Variants in THOC1 observed in about 807,000 individuals in gnomAD.
THOC1 encodes the protein THO complex subunit 1.
In THOC1, 29 loss-of-function variants were observed where a neutral mutation model predicts 97.3. The observed-to-expected ratio is 0.30, with a 90% CI of 0.22 to 0.41. The LOEUF (loss-of-function observed/expected upper bound fraction) is 0.41, where lower values mean the gene tolerates loss of function less well. Ranked by LOEUF, THOC1 falls within the 10% of genes least tolerant of loss-of-function variation. The pLI, the probability that THOC1 is intolerant of heterozygous loss-of-function variation, is 1.00. For synonymous variants in THOC1, 255 were observed against 257.0 expected, an observed-to-expected ratio of 0.99 and a Z score of 0.07; for missense variants, 529 against 761.9, an observed-to-expected ratio of 0.69 and a Z score of 3.60.
intron 19 of THOC1, chr18:216,147 T>A (rs1415391345): frequency 2.7e-5 from 5 of 181,960 alleles, no homozygotes; most frequent in African/African-American, 9.5e-5. Flanking sequence ...AGAGACGGGG[T>A]TTCACCATAT....
chr18:260,354 G>C, intron 4 of THOC1, 50 bp from the exon 5 acceptor site: 3 of 1,143,824 alleles, frequency 2.6e-6, no homozygotes, highest in Non-Finnish European at 3.6e-6. Context: ...CTGTAGAGTA[G>C]AATAGCCTAT....
chr18:257,576 G>C (rs2143288727), intron 7 of THOC1, among the ~76,000 whole-genome samples: 1 of 152,098 alleles, frequency 6.6e-6, no homozygotes, highest in South Asian at 2.1e-4. Flanking sequence ...GTCTCTGAGA[G>C]GGCCTAGAAG....
intron 9 of THOC1, 73 bp from the exon 10 acceptor site, chr18:248,030 C>T (rs1194117324): frequency 2.0e-6 from 2 of 1,025,300 alleles, no homozygotes; most frequent in Admixed American, 2.8e-5. Context: ...CTTAACTTAG[C>T]TTTGGTCACA....
intron 8 of THOC1, 52 bp from the exon 9 acceptor site, chr18:252,664 A>C: frequency 6.9e-7 from 1 of 1,455,352 alleles, no homozygotes; most frequent in Admixed American, 1.8e-5. Flanking sequence ...ATCAGACAGA[A>C]GAGATAAATG....
intron 3 of THOC1, among the ~76,000 whole-genome samples, chr18:264,780 T>G (rs1352601812): frequency 6.6e-6 from 1 of 152,184 alleles, no homozygotes; most frequent in Non-Finnish European, 1.5e-5. Flanking sequence ...TGACCAAGAA[T>G]AAACTGTTGA....
At chr18:265,190 G>C (rs1294449787) in intron 3 of THOC1, 113 bp downstream of exon 3, 3 of 807,170 alleles carry the variant, frequency 3.7e-6, no homozygotes, top group Non-Finnish European at 1.9e-6. Context: ...AAAGCAGAAA[G>C]GTTACTCTAA....
chr18:221,254 T>TTATTAAATTCTGAGA (rs1911066940), intron 17 of THOC1, among the ~76,000 whole-genome samples: 1 of 152,158 alleles, frequency 6.6e-6, no homozygotes, highest in African/African-American at 2.4e-5. Context: ...TCCACCAAAT[T>TTATTAAATTCTGAGA]TATTAAATTC....
At chr18:244,019 T>C (rs1034861422) in intron 11 of THOC1, among the ~76,000 whole-genome samples, 1 of 152,132 alleles carries the variant, frequency 6.6e-6, no homozygotes, top group Non-Finnish European at 1.5e-5. Context: ...TCTCTGTTCT[T>C]TGAGAGCAAC....
In THOC1 at chr18:260,040, G is replaced by A. The variant is rs187097493; in HGVS notation, c.375+146C>T. ...CACATGGTTTTTATTTGGCTCTCCC[G>A]AGAGAGCAGTATATAATTTTTTCAT... On this transcript the variant is annotated intron_variant, in intron 5 of 20. Coordinates refer to ENST00000261600, the MANE Select transcript of THOC1 (RefSeq NM_005131.3). The A allele has an allele frequency of 1.2e-3, 693 of 559,320 alleles. 1 individual carries two copies. The highest frequency in any genetic ancestry group is 0.012 in the African/African-American group (607 of 50,400). The allele number at this position is 559,320 out of a possible 1,614,324, so 34.6% of individuals were successfully genotyped here.
chr18:248,047 T>C (rs1447269395), intron 9 of THOC1, 90 bp from the exon 10 acceptor site: 2 of 814,850 alleles, frequency 2.5e-6, no homozygotes, highest in Non-Finnish European at 3.7e-6. Context: ...CACAAACCGT[T>C]TTCAGAAGCT....
chr18:234,249 A>G (rs1370113131), intron 11 of THOC1, among the ~76,000 whole-genome samples: 3 of 152,146 alleles, frequency 2.0e-5, no homozygotes, highest in Non-Finnish European at 4.4e-5. Context: ...TTTCTTTCCA[A>G]TACTTATAAC....
chr18:236,194 T>C (rs1022687972), intron 11 of THOC1, among the ~76,000 whole-genome samples: 2 of 152,150 alleles, frequency 1.3e-5, no homozygotes, highest in Non-Finnish European at 2.9e-5. Context: ...TATATATCCC[T>C]TGTGGATACA....
At chr18:228,015 T>G (rs143954439) in intron 11 of THOC1, among the ~76,000 whole-genome samples, 2 of 152,336 alleles carry the variant, frequency 1.3e-5, no homozygotes, top group African/African-American at 4.8e-5. Context: ...ATATATTTGA[T>G]TGTTATTTAT....
intron 1 of THOC1, among the ~76,000 whole-genome samples, chr18:266,855 A>G (rs1337611789): frequency 6.6e-6 from 1 of 152,158 alleles, no homozygotes; most frequent in East Asian, 1.9e-4. Context: ...GATCTTGGAT[A>G]GTCCTAACAG....
chr18:245,861 C>T (rs1169364881), intron 11 of THOC1: 1 of 152,898 alleles, frequency 6.5e-6, no homozygotes, highest in African/African-American at 2.4e-5. Flanking sequence ...GGGAGTGAGT[C>T]GAAACATAAA....
At chr18:261,549 C>A (rs1446345838) in intron 4 of THOC1, among the ~76,000 whole-genome samples, 1 of 152,170 alleles carries the variant, frequency 6.6e-6, no homozygotes, top group Non-Finnish European at 1.5e-5. Context: ...AAACAGTGAG[C>A]TCCACTAATG....
chr18:235,980 T>C (rs1410191651), intron 11 of THOC1, among the ~76,000 whole-genome samples: 1 of 152,218 alleles, frequency 6.6e-6, no homozygotes, highest in Non-Finnish European at 1.5e-5. Context: ...TTGCTTAATA[T>C]ATTTTGAGGG....
chr18:246,642 C>T (rs921159183), intron 10 of THOC1, among the ~76,000 whole-genome samples, 187 bp from the exon 11 acceptor site: 1 of 152,028 alleles, frequency 6.6e-6, no homozygotes, highest in African/African-American at 2.4e-5. Context: ...TGATATTTCA[C>T]TTGTTGCAAA....
intron 3 of THOC1, 96 bp downstream of exon 3, chr18:265,207 A>G: frequency 1.1e-6 from 1 of 936,004 alleles, no homozygotes. Flanking sequence ...CTAAAAAAAG[A>G]TGTTTAAATA....
Sources: gnomAD v4.1 joint callset for allele counts (sites outside exome capture counted in the v4.1 genomes callset) on GRCh38, gnomAD v4.1.1 for gene constraint, MANE v1.5 for transcripts, NCBI Gene and HGNC (gene_info 2026-07-23, HGNC 2026-07-21) for gene names.